SUGCT: variants seen among roughly 807,000 people sequenced by gnomAD.
SUGCT encodes the protein succinyl-CoA:glutarate CoA-transferase.
Under a neutral mutation model 55.0 loss-of-function variants are expected in SUGCT, and 41 were observed. That is an observed-to-expected ratio of 0.74 (90% confidence interval 0.58 to 0.97). SUGCT has a LOEUF of 0.97. Among genes scored for constraint, SUGCT ranks in the 50% least tolerant of loss-of-function variants. The pLI, the probability that SUGCT is intolerant of heterozygous loss-of-function variation, is 0.00. For missense variants in SUGCT, 568 were observed against 547.8 expected, an observed-to-expected ratio of 1.04 and a Z score of -0.37; for synonymous variants, 187 against 200.4, an observed-to-expected ratio of 0.93 and a Z score of 0.56.
intron 7 of SUGCT, 72 bp downstream of exon 7, chr7:40,237,798 A>G (rs1789112083): frequency 8.0e-7 from 1 of 1,248,020 alleles, no homozygotes. Flanking sequence ...CTCTGCACTA[A>G]CCCATAGGAT....
intron 12 of SUGCT, among the ~76,000 whole-genome samples, chr7:40,505,352 A>G (rs1009182488): frequency 4.6e-5 from 7 of 151,910 alleles, no homozygotes; most frequent in Non-Finnish European, 1.0e-4. Context: ...GCCATTCGTA[A>G]TGTTTTGATT....
chr7:40,258,554 G>A (rs1018797708), intron 7 of SUGCT, among the ~76,000 whole-genome samples: 1 of 152,080 alleles, frequency 6.6e-6, no homozygotes, highest in Non-Finnish European at 1.5e-5. Flanking sequence ...AATTATTGTG[G>A]TTTTAGTAGA....
chr7:40,731,226 T>A (rs1322013027), intron 12 of SUGCT, among the ~76,000 whole-genome samples: 1 of 152,226 alleles, frequency 6.6e-6, no homozygotes, highest in Non-Finnish European at 1.5e-5. Context: ...CATCTAATTA[T>A]CTTAACGAGG....
intron 12 of SUGCT, among the ~76,000 whole-genome samples, chr7:40,584,939 C>T (rs749243854): frequency 1.3e-5 from 2 of 152,200 alleles, no homozygotes; most frequent in Non-Finnish European, 2.9e-5. Flanking sequence ...CCAGGATCTT[C>T]TAAGGCAAGT....
At chr7:40,316,328 G>A (rs1231545559) in intron 8 of SUGCT, among the ~76,000 whole-genome samples, 1 of 152,094 alleles carries the variant, frequency 6.6e-6, no homozygotes, top group Non-Finnish European at 1.5e-5. Flanking sequence ...GTGGTTCCTG[G>A]CTTTGGTTCA....
chr7:40,142,368 C>T (rs993806005), intron 1 of SUGCT, among the ~76,000 whole-genome samples: 20 of 152,178 alleles, frequency 1.3e-4, no homozygotes, highest in African/African-American at 2.9e-4. Context: ...CATTTCCTTA[C>T]GGCTCTTTTT....
chr7:40,195,230 T>C (rs1330014127), intron 6 of SUGCT, among the ~76,000 whole-genome samples, 170 bp downstream of exon 6: 1 of 148,612 alleles, frequency 6.7e-6, no homozygotes, highest in Non-Finnish European at 1.5e-5. Context: ...TTCTTTTTTT[T>C]TTTTTTTTTT....
At chr7:40,992,278 G>A in the SUGCT span, among the ~76,000 whole-genome samples, 5 of 152,218 alleles carry the variant, frequency 3.3e-5, no homozygotes, top group Middle Eastern at 3.4e-3. Flanking sequence ...TGACACTGGC[G>A]GGAGTGTCTT....
rs111953319 is a variant in SUGCT at position 40,469,570 on chromosome 7, T to G, written c.986+10372T>G. On this transcript the variant is annotated intron_variant, in intron 11 of 13. Coordinates refer to ENST00000335693, the MANE Select transcript of SUGCT (RefSeq NM_001193313.2). ...CAGCTCTGGAAAGCATCCCTTTGGC[T>G]TAGAGAATGCAAAGGGAACCACTGC... Among the ~76,000 whole-genome samples the G allele has an allele frequency of 7.4e-3, 1,125 of 152,298 alleles. 10 individuals carry two copies. The highest frequency in any genetic ancestry group is 0.024 in the African/African-American group (1,004 of 41,578).
At chr7:40,946,228 A>T in the SUGCT span, among the ~76,000 whole-genome samples, 1 of 151,896 alleles carries the variant, frequency 6.6e-6, no homozygotes, top group African/African-American at 2.4e-5. Flanking sequence ...CTACCTAGGG[A>T]AAGTACTCTG....
chr7:40,276,153 A>G (rs1395650955), intron 8 of SUGCT, among the ~76,000 whole-genome samples: 1 of 152,250 alleles, frequency 6.6e-6, no homozygotes, highest in Non-Finnish European at 1.5e-5. Flanking sequence ...TTTTTACATA[A>G]CAGTAGCTTC....
intron 12 of SUGCT, among the ~76,000 whole-genome samples, chr7:40,613,174 T>C (rs1798842404): frequency 6.6e-6 from 1 of 152,056 alleles, no homozygotes; most frequent in Non-Finnish European, 1.5e-5. Context: ...TACTCTTATA[T>C]GCCAGACTCC....
the SUGCT span, among the ~76,000 whole-genome samples, chr7:40,959,714 GAA>G: frequency 1.6e-3 from 233 of 145,170 alleles, 2 homozygotes; most frequent in African/African-American, 4.0e-3. Flanking sequence ...ACTGGGGTAG[GAA>G]AAAAAAAAAA....
chr7:40,294,423 G>A (rs1793989283), intron 8 of SUGCT, among the ~76,000 whole-genome samples: 1 of 152,142 alleles, frequency 6.6e-6, no homozygotes, highest in Admixed American at 6.5e-5. Context: ...CAGCAGAGAG[G>A]GACATTCCAA....
At chr7:40,859,238 C>A (rs1395560965) in intron 13 of SUGCT, among the ~76,000 whole-genome samples, 1 of 152,188 alleles carries the variant, frequency 6.6e-6, no homozygotes, top group Non-Finnish European at 1.5e-5. Context: ...TTAGTTGAAA[C>A]AACATGTTCC....
chr7:40,932,739 T>G, the SUGCT span, among the ~76,000 whole-genome samples: 9 of 151,476 alleles, frequency 5.9e-5, no homozygotes, highest in Non-Finnish European at 1.0e-4. Context: ...AGAGACTAGG[T>G]TTGCAACCTC....
chr7:40,955,042 C>T, the SUGCT span, among the ~76,000 whole-genome samples: 2 of 152,050 alleles, frequency 1.3e-5, no homozygotes, highest in African/African-American at 2.4e-5. Context: ...TTACTGTAGC[C>T]TTGTAGTATA....
intron 12 of SUGCT, among the ~76,000 whole-genome samples, chr7:40,740,541 T>C (rs12701829): frequency 0.19 from 28,136 of 150,208 alleles, 2,938 homozygotes; most frequent in Non-Finnish European, 0.24. Flanking sequence ...ATTTTTATTT[T>C]ATTTTTAATT....
At chr7:40,678,218 A>G (rs1231780507) in intron 12 of SUGCT, among the ~76,000 whole-genome samples, 1 of 152,204 alleles carries the variant, frequency 6.6e-6, no homozygotes, top group Non-Finnish European at 1.5e-5. Context: ...AGCAAGGATC[A>G]TTGGTTGCCG....
Sources: allele counts gnomAD v4.1 joint callset (sites outside exome capture counted in the v4.1 genomes callset), GRCh38; gene constraint gnomAD v4.1.1; transcripts MANE v1.5; gene names NCBI Gene and HGNC (gene_info 2026-07-23, HGNC 2026-07-21).